CLVS1: variants seen among roughly 807,000 people sequenced by gnomAD.
The protein encoded by CLVS1 is clavesin-1.
A neutral mutation model predicts 33.1 loss-of-function variants in CLVS1; 10 were observed. The ratio of observed to expected loss-of-function variants is 0.30; its 90% CI spans 0.19 to 0.51. The LOEUF (loss-of-function observed/expected upper bound fraction) is 0.51, where lower values mean the gene tolerates loss of function less well. Among genes scored for constraint, CLVS1 ranks in the 20% least tolerant of loss-of-function variants. The pLI is 0.97. For synonymous variants in CLVS1, 163 were observed against 166.1 expected, an observed-to-expected ratio of 0.98 and a Z score of 0.14; for missense variants, 343 against 433.4, an observed-to-expected ratio of 0.79 and a Z score of 1.85.
chr8:61,024,224 G>C, the CLVS1 span, among the ~76,000 whole-genome samples: 1 of 152,164 alleles, frequency 6.6e-6, no homozygotes, highest in Non-Finnish European at 1.5e-5. Flanking sequence ...CTGAAAAGGA[G>C]TTGAATTCTG....
intron 2 of CLVS1, among the ~76,000 whole-genome samples, chr8:61,232,319 A>G (rs1455029340): frequency 6.6e-6 from 1 of 151,974 alleles, no homozygotes; most frequent in East Asian, 1.9e-4. Context: ...TACAGGCGTG[A>G]GCCACCGCGC....
chr8:61,255,028 C>T (rs181753237), intron 2 of CLVS1, among the ~76,000 whole-genome samples: 16 of 152,260 alleles, frequency 1.1e-4, no homozygotes, highest in African/African-American at 3.4e-4. Flanking sequence ...GGAGCTGTTC[C>T]TATTCGGCCA....
chr8:61,047,945 TAATAA>T, the CLVS1 span, among the ~76,000 whole-genome samples: 1,431 of 143,600 alleles, frequency 1.0e-2, 24 homozygotes, highest in African/African-American at 0.038. Flanking sequence ...AGTATAATAA[TAATAA>T]AATAAAAAAA....
chr8:61,210,345 G>A (rs891495667), intron 2 of CLVS1, among the ~76,000 whole-genome samples: 1 of 152,202 alleles, frequency 6.6e-6, no homozygotes, highest in Non-Finnish European at 1.5e-5. Context: ...TGAAACTGCC[G>A]ATGTCTTGGT....
chr8:61,135,929 C>G (rs1227141158), intron 2 of CLVS1, among the ~76,000 whole-genome samples: 1 of 152,224 alleles, frequency 6.6e-6, no homozygotes, highest in Non-Finnish European at 1.5e-5. Context: ...CCCTCTCGGG[C>G]TCTCCGGCTG....
At chr8:61,289,352 A>G (rs1268722408) in intron 1 of CLVS1, among the ~76,000 whole-genome samples, 1 of 152,212 alleles carries the variant, frequency 6.6e-6, no homozygotes, top group African/African-American at 2.4e-5. Flanking sequence ...ATGTCTGATT[A>G]ATTTGAACCT....
the CLVS1 span, among the ~76,000 whole-genome samples, chr8:61,031,487 T>C: frequency 1.3e-5 from 2 of 152,272 alleles, no homozygotes; most frequent in African/African-American, 4.8e-5. Context: ...GGGCAATTTC[T>C]GTGGCACTGT....
At chr8:61,451,822 G>GAC (rs1003369390) in intron 3 of CLVS1, among the ~76,000 whole-genome samples, 3 of 151,356 alleles carry the variant, frequency 2.0e-5, no homozygotes, top group African/African-American at 7.3e-5. Context: ...CAGAGAGAGA[G>GAC]AGAGAGAGAG....
intron 3 of CLVS1, among the ~76,000 whole-genome samples, chr8:61,402,637 A>G (rs1814815384): frequency 6.6e-6 from 1 of 152,234 alleles, no homozygotes; most frequent in South Asian, 2.1e-4. Flanking sequence ...TTTGTTAACA[A>G]TTATTGTGTG....
intron 1 of CLVS1, among the ~76,000 whole-genome samples, chr8:61,075,874 A>G (rs947573657): frequency 7.2e-5 from 11 of 152,176 alleles, no homozygotes; most frequent in African/African-American, 2.4e-4. Context: ...CTTCCCTTAC[A>G]TCTTCCATCT....
chr8:61,038,461 T>TATATATATACACGTATATATATATGAC, the CLVS1 span, among the ~76,000 whole-genome samples: 4 of 117,770 alleles, frequency 3.4e-5, no homozygotes, highest in African/African-American at 1.1e-4. Flanking sequence ...ATATATGACA[T>TATATATATACACGTATATATATATGAC]ATATATATAT....
At chr8:61,423,243 C>T (rs1481548838) in intron 3 of CLVS1, among the ~76,000 whole-genome samples, 1 of 152,124 alleles carries the variant, frequency 6.6e-6, no homozygotes, top group Non-Finnish European at 1.5e-5. Flanking sequence ...TTCTTTAGTG[C>T]CTCATGTAAT....
intron 3 of CLVS1, among the ~76,000 whole-genome samples, chr8:61,421,704 T>A (rs963970424): frequency 3.3e-5 from 5 of 152,380 alleles, no homozygotes; most frequent in Admixed American, 1.3e-4. Context: ...TAGGACCAAC[T>A]TCACAGCCCC....
At chr8:61,267,564 C>T (rs1331725510) in intron 2 of CLVS1, among the ~76,000 whole-genome samples, 2 of 152,152 alleles carry the variant, frequency 1.3e-5, no homozygotes, top group Non-Finnish European at 2.9e-5. Flanking sequence ...TATCTTCAGC[C>T]TTGAAAGATA....
intron 2 of CLVS1, among the ~76,000 whole-genome samples, chr8:61,328,169 C>T (rs190588894): frequency 2.5e-4 from 38 of 152,134 alleles, no homozygotes; most frequent in African/African-American, 8.9e-4. Flanking sequence ...CTGTAGTAAA[C>T]GGGTGAAGCA....
Position 61,282,255 on chromosome 8 carries a change from C to T in CLVS1, c.-151-17422C>T, listed in dbSNP as rs151333441. Among the ~76,000 whole-genome samples the T allele has an allele frequency of 3.2e-4, 48 of 152,034 alleles. No individual in the cohort carries two copies. The East Asian group carries it at 6.4e-3, about 20-fold the overall frequency. ...AGACAGAATGGGGAAAGTTGCAGAG[C>T]GAAGTGGCAGTAGGCAGAAGGCTTG... is the stretch of plus-strand genomic sequence containing the variant. On this transcript the variant is annotated intron_variant, in intron 2 of 2. Coordinates refer to the CLVS1 transcript ENST00000522621.
At chr8:60,969,647 G>T in the CLVS1 span, among the ~76,000 whole-genome samples, 1 of 152,196 alleles carries the variant, frequency 6.6e-6, no homozygotes. Context: ...GGCGGGGGCT[G>T]TTAGGATTTT....
At chr8:61,189,517 A>G (rs1451233706) in intron 2 of CLVS1, among the ~76,000 whole-genome samples, 1 of 152,266 alleles carries the variant, frequency 6.6e-6, no homozygotes, top group East Asian at 1.9e-4. Context: ...AAATTCACAC[A>G]TAACAATATA....
intron 2 of CLVS1, among the ~76,000 whole-genome samples, chr8:61,137,898 C>T (rs1806219262): frequency 1.3e-5 from 2 of 152,156 alleles, no homozygotes; most frequent in African/African-American, 4.8e-5. Context: ...CTGATAGGTG[C>T]TTCTGGGATC....
Sources: gnomAD v4.1 joint callset for allele counts (sites outside exome capture counted in the v4.1 genomes callset) on GRCh38, gnomAD v4.1.1 for gene constraint, MANE v1.5 for transcripts, NCBI Gene and HGNC (gene_info 2026-07-23, HGNC 2026-07-21) for gene names.